Variants in AP3B1 observed in about 807,000 individuals in gnomAD.
The protein encoded by AP3B1 is AP-3 complex subunit beta-1.
Under a neutral mutation model 132.5 loss-of-function variants are expected in AP3B1, and 61 were observed. The ratio of observed to expected loss-of-function variants is 0.46; its 90% CI spans 0.37 to 0.57. AP3B1 has a LOEUF of 0.57. Ranked by LOEUF, AP3B1 falls within the 20% of genes least tolerant of loss-of-function variation. The pLI is 0.00. For synonymous variants in AP3B1, 388 were observed against 438.3 expected, an observed-to-expected ratio of 0.89 and a Z score of 1.43; for missense variants, 1,120 against 1,289.4, an observed-to-expected ratio of 0.87 and a Z score of 2.01.
At chr5:78,178,836 C>T (rs1744254599) in intron 8 of AP3B1, among the ~76,000 whole-genome samples, 1 of 151,830 alleles carries the variant, frequency 6.6e-6, no homozygotes, top group Admixed American at 6.6e-5. Flanking sequence ...AGCAAAAATT[C>T]TATTAATATA....
At chr5:78,014,694 G>A (rs1479066638) in intron 26 of AP3B1, among the ~76,000 whole-genome samples, 2 of 152,170 alleles carry the variant, frequency 1.3e-5, no homozygotes, top group African/African-American at 4.8e-5. Context: ...TGCCTGCCAT[G>A]AGATGGTTTG....
intron 11 of AP3B1, among the ~76,000 whole-genome samples, chr5:78,173,343 T>C (rs977580797): frequency 6.6e-6 from 1 of 152,172 alleles, no homozygotes; most frequent in East Asian, 1.9e-4. Flanking sequence ...ATTTGTCTAA[T>C]ATTGACAGTG....
chr5:78,198,115 A>G (rs1343887271), intron 7 of AP3B1, among the ~76,000 whole-genome samples: 1 of 152,206 alleles, frequency 6.6e-6, no homozygotes, highest in African/African-American at 2.4e-5. Flanking sequence ...CTTGGCATTT[A>G]GAGTAGTCAC....
chr5:78,054,260 T>C (rs1419740845), intron 22 of AP3B1, among the ~76,000 whole-genome samples: 1 of 152,178 alleles, frequency 6.6e-6, no homozygotes, highest in East Asian at 1.9e-4. Flanking sequence ...TTGCACAGGT[T>C]ATGAATATGA....
chr5:78,185,460 T>C (rs192745349), intron 7 of AP3B1, among the ~76,000 whole-genome samples: 1 of 152,278 alleles, frequency 6.6e-6, no homozygotes, highest in African/African-American at 2.4e-5. Context: ...CAAAGGGAGC[T>C]AAGTGGTTAA....
At chr5:78,214,872 T>A (rs1391891573) in intron 7 of AP3B1, among the ~76,000 whole-genome samples, 1 of 152,182 alleles carries the variant, frequency 6.6e-6, no homozygotes, top group Non-Finnish European at 1.5e-5. Context: ...TACATATTAA[T>A]AATTCAAAAC....
intron 24 of AP3B1, among the ~76,000 whole-genome samples, chr5:78,021,552 G>A (rs942628466): frequency 6.6e-6 from 1 of 152,122 alleles, no homozygotes; most frequent in Non-Finnish European, 1.5e-5. Context: ...GTTGATGAGT[G>A]TATCCTAAAT....
chr5:78,078,411 A>G (rs1413714372), intron 22 of AP3B1, among the ~76,000 whole-genome samples: 1 of 152,036 alleles, frequency 6.6e-6, no homozygotes, highest in African/African-American at 2.4e-5. Flanking sequence ...AATCTTCAGA[A>G]CTCCTTTCAA....
At chr5:78,051,758 CTTACT>C (rs1353783699) in intron 22 of AP3B1, among the ~76,000 whole-genome samples, 1 of 152,022 alleles carries the variant, frequency 6.6e-6, no homozygotes, top group Non-Finnish European at 1.5e-5. Flanking sequence ...TTTTGTTTGG[CTTACT>C]TTACATCAGT....
chr5:78,216,005 T>A (rs1169215589), intron 7 of AP3B1, 50 bp downstream of exon 7: 1 of 1,592,824 alleles, frequency 6.3e-7, no homozygotes, highest in South Asian at 1.1e-5. Context: ...TTTAAAAAGC[T>A]CATCCATTCT....
chr5:78,137,234 T>C (rs146523277), intron 15 of AP3B1, among the ~76,000 whole-genome samples: 2 of 152,310 alleles, frequency 1.3e-5, no homozygotes, highest in Admixed American at 1.3e-4. Flanking sequence ...TAATTAACTT[T>C]GTTGGGGTTC....
intron 21 of AP3B1, among the ~76,000 whole-genome samples, chr5:78,092,808 C>A (rs1750585133): frequency 1.3e-5 from 2 of 152,044 alleles, no homozygotes; most frequent in African/African-American, 4.8e-5. Flanking sequence ...CCACCATGCC[C>A]CGCTAATTTT....
intron 1 of AP3B1, among the ~76,000 whole-genome samples, chr5:78,279,811 T>C (rs1243876100): frequency 1.4e-5 from 2 of 138,428 alleles, no homozygotes; most frequent in East Asian, 2.0e-4. Flanking sequence ...TTAAGTCCTA[T>C]ATATGTATAT....
rs144921350 is a variant in AP3B1, at chr5:78,110,684, CTG to C, written c.2250-332_2250-331del. 5.7e-3 allele frequency among the ~76,000 whole-genome samples: 818 copies of C among 143,198 alleles called. 3 individuals are homozygous for C. Among genetic ancestry groups the C allele is most frequent in the South Asian group, 0.013 (57 of 4,400 alleles). 93.9% of individuals were successfully genotyped at this position (143,198 alleles called of 152,430 possible). On this transcript the variant is annotated intron_variant, in intron 19 of 26. Coordinates refer to ENST00000255194, the MANE Select transcript of AP3B1 (RefSeq NM_003664.5). ...AAAACGCTATCTCAAAATACTGTGC[CTG>C]TGTGTGTGTGTGTGTGTGTGTGTGT...
chr5:78,095,026 C>T (rs252747), intron 21 of AP3B1, among the ~76,000 whole-genome samples: 41,808 of 152,050 alleles, frequency 0.27, 6,380 homozygotes, highest in African/African-American at 0.39. Context: ...ATTTTGATAC[C>T]GCTAGGTGGA....
chr5:78,169,426 T>C (rs924008574), intron 11 of AP3B1, among the ~76,000 whole-genome samples: 3 of 152,202 alleles, frequency 2.0e-5, no homozygotes, highest in African/African-American at 7.2e-5. Context: ...TCTGTATTAC[T>C]TAAAACACAC....
intron 14 of AP3B1, among the ~76,000 whole-genome samples, chr5:78,152,661 T>C (rs1479115756): frequency 2.0e-5 from 3 of 152,214 alleles, no homozygotes; most frequent in Non-Finnish European, 4.4e-5. Flanking sequence ...TTTTCTTCTT[T>C]TTTGATGTAG....
chr5:78,030,353 C>G (rs1052929160), intron 24 of AP3B1, among the ~76,000 whole-genome samples: 8 of 152,170 alleles, frequency 5.3e-5, no homozygotes, highest in African/African-American at 1.7e-4. Context: ...TTGAGTAATC[C>G]TTTCAGAAAA....
intron 22 of AP3B1, among the ~76,000 whole-genome samples, chr5:78,060,676 T>A (rs979999074): frequency 2.1e-4 from 32 of 152,070 alleles, no homozygotes; most frequent in African/African-American, 7.7e-4. Context: ...AAAACTGACA[T>A]CATGACTTAT....
Sources: gnomAD v4.1 joint callset for allele counts (sites outside exome capture counted in the v4.1 genomes callset) on GRCh38, gnomAD v4.1.1 for gene constraint, MANE v1.5 for transcripts, NCBI Gene and HGNC (gene_info 2026-07-23, HGNC 2026-07-21) for gene names.